Variants in C2orf76 observed in about 807,000 individuals in gnomAD.
C2orf76 encodes chromosome 2 open reading frame 76.
C2orf76 carries 23 observed loss-of-function variants against 16.9 expected under a neutral mutation model. The observed-to-expected ratio is 1.36, with a 90% CI of 0.98 to 1.93. The LOEUF is 1.93. Among genes scored for constraint, C2orf76 ranks in the 30% most tolerant of loss-of-function variants. The pLI is 0.00. For missense variants in C2orf76, 152 were observed against 152.6 expected (o/e 1.00, Z 0.02); for synonymous variants, 48 against 52.3 (o/e 0.92, Z 0.35).
At chr2:119,282,150 A>G in the C2orf76 span, among the ~76,000 whole-genome samples, 1 of 79,810 alleles carries the variant, frequency 1.3e-5, no homozygotes, top group Non-Finnish European at 2.5e-5. Flanking sequence ...CGTCTCAAAG[A>G]AAAAAAAAAA....
At chr2:119,310,784 G>A (rs1365642745) in intron 5 of C2orf76, among the ~76,000 whole-genome samples, 3 of 152,230 alleles carry the variant, frequency 2.0e-5, no homozygotes, top group African/African-American at 7.2e-5. Flanking sequence ...TGAGGCAGGA[G>A]AATCGCTTGA....
At chr2:119,337,055 A>ATTT (rs773781304) in intron 2 of C2orf76, among the ~76,000 whole-genome samples, 3 of 101,680 alleles carry the variant, frequency 3.0e-5, no homozygotes, top group African/African-American at 1.1e-4. Flanking sequence ...TTATTTATTT[A>ATTT]TTTATTTATT....
intron 5 of C2orf76, among the ~76,000 whole-genome samples, chr2:119,309,717 G>A (rs868585194): frequency 6.6e-5 from 10 of 152,082 alleles, no homozygotes; most frequent in Admixed American, 3.9e-4. Context: ...CACCATGCCC[G>A]ACCCCAGGCT....
chr2:119,307,376 T>C (rs1389052624), intron 5 of C2orf76, among the ~76,000 whole-genome samples: 5 of 151,248 alleles, frequency 3.3e-5, no homozygotes, highest in Admixed American at 6.6e-5. Context: ...GAGGCGGAGG[T>C]TGCAGTGAGC....
chr2:119,332,449 A>C (rs1327346415), intron 2 of C2orf76, among the ~76,000 whole-genome samples: 1 of 152,216 alleles, frequency 6.6e-6, no homozygotes, highest in Non-Finnish European at 1.5e-5. Context: ...TTAATTATAA[A>C]ATAATCTAAA....
At chr2:119,358,465 C>G (rs150547123) in intron 1 of C2orf76, among the ~76,000 whole-genome samples, 1,638 of 151,524 alleles carry the variant, frequency 0.011, 16 homozygotes, top group Non-Finnish European at 0.018. Context: ...GTAATCCCAG[C>G]TACTCAGAAG....
downstream of C2orf76, among the ~76,000 whole-genome samples, chr2:119,301,361 T>C (rs187808320): frequency 2.0e-5 from 3 of 152,362 alleles, no homozygotes; most frequent in Non-Finnish European, 4.4e-5. Flanking sequence ...TCTAATCATG[T>C]TAATCAGAGT....
At chr2:119,331,285 ACTGC>A (rs1679669663) in intron 2 of C2orf76, among the ~76,000 whole-genome samples, 19 of 152,116 alleles carry the variant, frequency 1.2e-4, no homozygotes, top group Admixed American at 1.2e-3. Flanking sequence ...TTGCTCTACT[ACTGC>A]AGCAACACCC....
At chr2:119,320,054 G>A (rs1477816272) in intron 3 of C2orf76, among the ~76,000 whole-genome samples, 1 of 152,142 alleles carries the variant, frequency 6.6e-6, no homozygotes, top group African/African-American at 2.4e-5. Flanking sequence ...AGGGCAGAAG[G>A]AAGTTAATAA....
intron 2 of C2orf76, among the ~76,000 whole-genome samples, chr2:119,327,331 C>A (rs1679537510): frequency 1.6e-5 from 2 of 123,640 alleles, no homozygotes; most frequent in Non-Finnish European, 1.7e-5. Flanking sequence ...TGATGAATTA[C>A]ATGGATTTTT....
intron 2 of C2orf76, among the ~76,000 whole-genome samples, chr2:119,337,433 G>A (rs1336619727): frequency 6.6e-6 from 1 of 152,114 alleles, no homozygotes; most frequent in Non-Finnish European, 1.5e-5. Flanking sequence ...TCCAACTTTA[G>A]AGGGATGCTG....
the C2orf76 span, among the ~76,000 whole-genome samples, chr2:119,296,397 G>A: frequency 6.6e-6 from 1 of 152,116 alleles, no homozygotes; most frequent in Non-Finnish European, 1.5e-5. Context: ...CAACACACAT[G>A]CATGCATACA....
At chr2:119,362,970 C>G (rs1680791650) in intron 1 of C2orf76, among the ~76,000 whole-genome samples, 1 of 152,154 alleles carries the variant, frequency 6.6e-6, no homozygotes, top group Non-Finnish European at 1.5e-5. Context: ...GCTAACACCT[C>G]CAGCTGCCAG....
At chr2:119,315,330 A>G (rs777699805) in intron 4 of C2orf76, among the ~76,000 whole-genome samples, 1 of 152,142 alleles carries the variant, frequency 6.6e-6, no homozygotes, top group Non-Finnish European at 1.5e-5. Context: ...AATTAGGGAA[A>G]TGGGGAAAAT....
At chr2:119,287,132 G>T in the C2orf76 span, among the ~76,000 whole-genome samples, 1 of 152,114 alleles carries the variant, frequency 6.6e-6, no homozygotes, top group Non-Finnish European at 1.5e-5. Context: ...ACCTCACAGG[G>T]GTTGTGAGCA....
intron 1 of C2orf76, among the ~76,000 whole-genome samples, chr2:119,343,827 TTAAC>T (rs1490478042): frequency 6.6e-6 from 1 of 152,132 alleles, no homozygotes; most frequent in Non-Finnish European, 1.5e-5. Context: ...ATTTAAGAAA[TTAAC>T]ATACATAAAA....
intron 1 of C2orf76, among the ~76,000 whole-genome samples, chr2:119,363,304 G>A (rs554362931): frequency 4.6e-4 from 70 of 151,934 alleles, no homozygotes; most frequent in Non-Finnish European, 8.8e-4. Context: ...GGCACCCATA[G>A]TCCCAGCTAC....
chr2:119,331,430 A>G (rs188172084), intron 2 of C2orf76, among the ~76,000 whole-genome samples: 1 of 152,350 alleles, frequency 6.6e-6, no homozygotes, highest in East Asian at 1.9e-4. Flanking sequence ...GTTCTTTCCC[A>G]GGCTTCCAGT....
At chr2:119,336,668 G>A (rs1161285150) in intron 2 of C2orf76, among the ~76,000 whole-genome samples, 1 of 151,954 alleles carries the variant, frequency 6.6e-6, no homozygotes, top group Non-Finnish European at 1.5e-5. Flanking sequence ...GGGGAGGGAG[G>A]AGGATCGAAA....
Sources: gnomAD v4.1 joint callset for allele counts (sites outside exome capture counted in the v4.1 genomes callset) on GRCh38, gnomAD v4.1.1 for gene constraint, MANE v1.5 for transcripts, NCBI Gene and HGNC (gene_info 2026-07-23, HGNC 2026-07-21) for gene names.